NRG3: variants seen among roughly 807,000 people sequenced by gnomAD.
NRG3 encodes the protein neuregulin 3.
In NRG3, 31 loss-of-function variants were observed where a neutral mutation model predicts 66.9. The ratio of observed to expected loss-of-function variants is 0.46; its 90% CI spans 0.35 to 0.63. The LOEUF (loss-of-function observed/expected upper bound fraction) is 0.63, where lower values mean the gene tolerates loss of function less well. NRG3 is among the 20% of genes least tolerant of loss of function. The probability of loss-of-function intolerance (pLI) is 0.00; values close to 1 mark genes in which losing one functional copy is unlikely to be tolerated. For missense variants in NRG3, 910 were observed against 878.9 expected, an observed-to-expected ratio of 1.04 and a Z score of -0.45; for synonymous variants, 393 against 359.4, an observed-to-expected ratio of 1.09 and a Z score of -1.06.
At chr10:82,135,406 A>T (rs1079830) in intron 1 of NRG3, among the ~76,000 whole-genome samples, 1 of 151,712 alleles carries the variant, frequency 6.6e-6, no homozygotes, top group Non-Finnish European at 1.5e-5. Flanking sequence ...GCTCTCTGTT[A>T]TTATCCCTTT....
At chr10:82,796,626 C>T (rs2060813289) in intron 3 of NRG3, among the ~76,000 whole-genome samples, 2 of 152,146 alleles carry the variant, frequency 1.3e-5, no homozygotes, top group African/African-American at 4.8e-5. Context: ...AGCAGCATTA[C>T]CACAGTGAAT....
intron 2 of NRG3, among the ~76,000 whole-genome samples, chr10:82,628,628 C>T (rs1277335099): frequency 1.3e-5 from 2 of 151,870 alleles, no homozygotes; most frequent in South Asian, 2.1e-4. Context: ...AAAAAAAAAG[C>T]GGTTCCACAT....
intron 1 of NRG3, among the ~76,000 whole-genome samples, chr10:82,071,561 G>T (rs964704808): frequency 2.0e-5 from 3 of 152,150 alleles, no homozygotes; most frequent in Non-Finnish European, 2.9e-5. Context: ...CTGTTGCTGA[G>T]CAAAGAGAAC....
chr10:81,990,407 T>C (rs2133565239), intron 1 of NRG3, among the ~76,000 whole-genome samples: 1 of 152,294 alleles, frequency 6.6e-6, no homozygotes, highest in African/African-American at 2.4e-5. Context: ...CTGTATTTTA[T>C]GTGAGAAAAC....
At chr10:82,957,005 A>G (rs1850112293) in intron 5 of NRG3, among the ~76,000 whole-genome samples, 1 of 152,022 alleles carries the variant, frequency 6.6e-6, no homozygotes, top group East Asian at 1.9e-4. Context: ...CAAAATGGGT[A>G]ATGAAGCTCA....
At chr10:82,816,419 C>G (rs1255026350) in intron 3 of NRG3, among the ~76,000 whole-genome samples, 4 of 152,146 alleles carry the variant, frequency 2.6e-5, no homozygotes, top group African/African-American at 4.8e-5. Context: ...AGAGGAGACC[C>G]AAAGTGGGTA....
At chr10:82,010,897 A>G (rs987252824) in intron 1 of NRG3, among the ~76,000 whole-genome samples, 2 of 152,074 alleles carry the variant, frequency 1.3e-5, no homozygotes, top group African/African-American at 4.8e-5. Context: ...TCAGATTGCA[A>G]CCTCTTCTTG....
At chr10:82,144,856 G>T (rs1380284832) in intron 1 of NRG3, among the ~76,000 whole-genome samples, 3 of 152,220 alleles carry the variant, frequency 2.0e-5, no homozygotes, top group Non-Finnish European at 2.9e-5. Flanking sequence ...ATGAACTGAA[G>T]ATCAGTTGTA....
At chr10:82,486,509 G>A (rs1043115333) in intron 2 of NRG3, among the ~76,000 whole-genome samples, 3 of 151,988 alleles carry the variant, frequency 2.0e-5, no homozygotes, top group African/African-American at 7.3e-5. Flanking sequence ...CTGTCTCCCG[G>A]GTTGAAGCAA....
chr10:82,678,421 C>T (rs1230953548), intron 2 of NRG3, among the ~76,000 whole-genome samples: 5 of 152,152 alleles, frequency 3.3e-5, no homozygotes, highest in South Asian at 4.1e-4. Context: ...GCTTTTTGAG[C>T]CAGGATGAGC....
intron 3 of NRG3, among the ~76,000 whole-genome samples, chr10:82,836,808 G>A (rs889395764): frequency 6.6e-6 from 1 of 151,366 alleles, no homozygotes; most frequent in African/African-American, 2.4e-5. Flanking sequence ...ATGTATACAT[G>A]TGCCACATGT....
chr10:82,681,018 G>A (rs777323510), intron 2 of NRG3, among the ~76,000 whole-genome samples: 1 of 152,194 alleles, frequency 6.6e-6, no homozygotes, highest in Non-Finnish European at 1.5e-5. Context: ...CTAGAGCCTT[G>A]AAGCCCAGGG....
chr10:82,049,951 A>G (rs1564770674), intron 1 of NRG3, among the ~76,000 whole-genome samples: 1 of 152,056 alleles, frequency 6.6e-6, no homozygotes, highest in Non-Finnish European at 1.5e-5. Context: ...ATTTGCAGGA[A>G]TGACTTATTG....
chr10:82,348,773 A>T (rs1451793427), intron 1 of NRG3, among the ~76,000 whole-genome samples: 1 of 151,350 alleles, frequency 6.6e-6, no homozygotes. Flanking sequence ...ATTTCTTTTT[A>T]TTCTTTTTTC....
intron 3 of NRG3, among the ~76,000 whole-genome samples, chr10:82,805,847 TG>T (rs1312957241): frequency 2.0e-5 from 3 of 152,182 alleles, no homozygotes; most frequent in African/African-American, 7.2e-5. Context: ...CTGAATTTGG[TG>T]GGCTGTAAGC....
At chr10:82,391,727 CTT>C (rs1466219196) in intron 2 of NRG3, among the ~76,000 whole-genome samples, 2 of 151,982 alleles carry the variant, frequency 1.3e-5, no homozygotes, top group African/African-American at 4.8e-5. Flanking sequence ...TATTTAAAGA[CTT>C]ATATGTGTGG....
chr10:82,480,071 TG>T (rs1842136010), intron 2 of NRG3, among the ~76,000 whole-genome samples: 1 of 152,248 alleles, frequency 6.6e-6, no homozygotes, highest in South Asian at 2.1e-4. Context: ...GAGGTTCATC[TG>T]CTATGATAAA....
intron 2 of NRG3, among the ~76,000 whole-genome samples, chr10:82,676,820 AT>A (rs2134084851): frequency 6.6e-6 from 1 of 150,412 alleles, no homozygotes; most frequent in African/African-American, 2.4e-5. Context: ...CTGAATTTTG[AT>A]TTTTTTCTTT....
At chr10:81,889,288 G>C (rs1213284974) in intron 1 of NRG3, 1 of 152,126 alleles carries the variant, frequency 6.6e-6, no homozygotes, top group Non-Finnish European at 1.5e-5. Context: ...GCACCTTTTG[G>C]AATTGAATGC....
Sources: allele counts gnomAD v4.1 joint callset (sites outside exome capture counted in the v4.1 genomes callset), GRCh38; gene constraint gnomAD v4.1.1; transcripts MANE v1.5; gene names NCBI Gene and HGNC (gene_info 2026-07-23, HGNC 2026-07-21).